SHPRH: variants seen among roughly 807,000 people sequenced by gnomAD.
The protein encoded by SHPRH is E3 ubiquitin-protein ligase SHPRH.
A neutral mutation model predicts 202.5 loss-of-function variants in SHPRH; 106 were observed. That is an observed-to-expected ratio of 0.52 (90% CI 0.45 to 0.62). The LOEUF is 0.62. Ranked by LOEUF, SHPRH falls within the 20% of genes least tolerant of loss-of-function variation. The probability of loss-of-function intolerance (pLI) is 0.00; values close to 1 mark genes in which losing one functional copy is unlikely to be tolerated. For synonymous variants in SHPRH, 729 were observed against 686.0 expected (o/e 1.06, Z -0.98); for missense variants, 1,710 against 2,020.0 (o/e 0.85, Z 2.94).
intron 25 of SHPRH, chr6:145,903,934 G>A (rs997616260): frequency 2.0e-5 from 3 of 152,014 alleles, no homozygotes; most frequent in African/African-American, 7.2e-5. Context: ...AGGTTCCAAA[G>A]GTCATTTAGG....
rs367700701 is a variant in SHPRH, at chr6:145,945,537, G to A, written c.1422C>T (p.Tyr474=). 1.7e-5 allele frequency: 27 copies of A among 1,613,102 alleles called. No individual in the cohort carries two copies. In the African/African-American group the frequency reaches 2.1e-4, roughly 13 times the overall value. The change falls in exon 8 of 30, where the codon TAC becomes TAT. Residue 474 remains tyrosine, a synonymous_variant. Transcript: ENST00000275233. ...AAAGACTCCTGTTCCGTTGAACATCGTATCTATATATAGAACTGACATACT... is the reference window on the plus strand; with the variant it reads ...AAAGACTCCTGTTCCGTTGAACATCATATCTATATATAGAACTGACATACT... ...IYKYVSSIYR[Y]DVQRNRSLLK... is the part of the protein sequence containing the mutation.
intron 2 of SHPRH, among the ~76,000 whole-genome samples, chr6:145,879,790 T>C (rs1780469723): frequency 6.6e-6 from 1 of 151,422 alleles, no homozygotes; most frequent in South Asian, 2.1e-4. Flanking sequence ...GGGTGCCTTG[T>C]AATGCCAGCT....
intron 15 of SHPRH, among the ~76,000 whole-genome samples, chr6:145,926,721 A>G (rs768088868): frequency 7.2e-5 from 11 of 151,966 alleles, no homozygotes; most frequent in Non-Finnish European, 1.2e-4. Flanking sequence ...AGCCTTGTCT[A>G]TATGAGTCAA....
At position 145,943,867 on chromosome 6, in the gene SHPRH, TTTATGTAAGTACTTCA is replaced by T; in HGVS notation, c.1579-81_1579-66del. The T allele has an allele frequency of 2.9e-6, 4 of 1,367,042 alleles. No individual in the cohort carries two copies. In the South Asian group the frequency reaches 5.7e-5, roughly 20 times the overall value. The allele number at this position is 1,367,042 out of a possible 1,614,324, so 84.7% of individuals were successfully genotyped here. A position where few individuals can be genotyped will look rare whatever the true frequency, so the allele number is the denominator to read the frequency against. ...GCATTTCTGAAATTAAACTCCTGACTTTATGTAAGTACTTCATATAATTATGTAGCAGCCAGTCTTT... is the reference window on the plus strand; with the variant it reads ...GCATTTCTGAAATTAAACTCCTGACTTATAATTATGTAGCAGCCAGTCTTT... On this transcript the variant is annotated intron_variant, in intron 8 of 29. Transcript: ENST00000275233.
chr6:145,945,585 T>A lies in SHPRH; in HGVS notation c.1374A>T (p.Gly458=). ...ACTTATAGATGGAAAGGATGGACACTCCTTTTTTTCCATTCATTTCTTTCA... is the reference window on the plus strand; with the variant it reads ...ACTTATAGATGGAAAGGATGGACACACCTTTTTTTCCATTCATTTCTTTCA... ...TAVKEMNGKK[G]VSILSIYKYV... The change falls in exon 8 of 30, where the codon GGA becomes GGT. Residue 458 remains glycine (G), a synonymous_variant. Transcript: ENST00000275233. 3 of 1,612,644 alleles carry A rather than the reference T, an allele frequency of 1.9e-6. No individual in the cohort carries two copies. Among genetic ancestry groups the A allele is most frequent in the South Asian group, 1.1e-5 (1 of 90,976 alleles).
intron 11 of SHPRH, among the ~76,000 whole-genome samples, chr6:145,939,907 AT>A (rs1468792809): frequency 1.3e-5 from 2 of 152,072 alleles, no homozygotes; most frequent in East Asian, 3.8e-4. Context: ...GAAAACTTGG[AT>A]TTTCAGAAAG....
intron 25 of SHPRH, chr6:145,904,240 C>A (rs1400596051): frequency 2.0e-5 from 3 of 151,914 alleles, no homozygotes; most frequent in East Asian, 1.9e-4. Flanking sequence ...GTGAAATAAT[C>A]ATTTCAGAAA....
intron 28 of SHPRH, among the ~76,000 whole-genome samples, chr6:145,889,681 T>A (rs1781418848): frequency 6.6e-6 from 1 of 152,104 alleles, no homozygotes; most frequent in Non-Finnish European, 1.5e-5. Flanking sequence ...TCCTAAGATA[T>A]CTCACTATGT....
chr6:145,940,885 A>G, intron 10 of SHPRH, 84 bp from the exon 11 acceptor site: 1 of 1,358,874 alleles, frequency 7.4e-7, no homozygotes, highest in South Asian at 1.2e-5. Context: ...CATGAAAAAC[A>G]GCCCATTAAA....
At chr6:145,921,087 A>G in intron 21 of SHPRH, 80 bp downstream of exon 21, 1 of 1,230,610 alleles carries the variant, frequency 8.1e-7, no homozygotes, top group Non-Finnish European at 1.1e-6. Flanking sequence ...AAAAAACTGG[A>G]GAGAGAAAAA....
chr6:145,959,374 T>C (rs117936275), intron 1 of SHPRH, among the ~76,000 whole-genome samples: 4 of 152,202 alleles, frequency 2.6e-5, no homozygotes, highest in Non-Finnish European at 4.4e-5. Context: ...AATATACAAA[T>C]ACTACGGTGT....
chr6:145,894,205 G>A lies in SHPRH; in HGVS notation c.4640C>T (p.Ala1547Val). ...AAATTCCATGTTGTTGTCAGTAAGAGCTTTTGAAATAATATCTAATACATC... is the reference window on the plus strand; with the variant it reads ...AAATTCCATGTTGTTGTCAGTAAGAACTTTTGAAATAATATCTAATACATC... ...WQDVLDIISK[A>V]LTDNNMEFAQ... The change falls in exon 27 of 30, where the codon GCT becomes GTT. Residue 1547 changes from alanine (A) to valine (V), a missense_variant. Ala to Val is a moderately conservative substitution (Grantham distance 64). This residue lies in a region of SHPRH where 306 missense variants were observed against 479.5 expected (regional missense o/e 0.64). Coordinates refer to ENST00000275233, the MANE Select transcript of SHPRH (RefSeq NM_001042683.3). The A allele has an allele frequency of 6.2e-7, 1 of 1,603,788 alleles. No individual in the cohort carries two copies. The highest frequency in any genetic ancestry group is 1.1e-5 in the South Asian group (1 of 89,548).
intron 14 of SHPRH, among the ~76,000 whole-genome samples, chr6:145,932,681 A>G (rs2128764307): frequency 6.6e-6 from 1 of 152,312 alleles, no homozygotes; most frequent in South Asian, 2.1e-4. Flanking sequence ...CCAATGAACA[A>G]TAATTCCTTT....
chr6:145,889,220 C>T (rs898129365), intron 28 of SHPRH, among the ~76,000 whole-genome samples: 2 of 151,998 alleles, frequency 1.3e-5, no homozygotes, highest in Non-Finnish European at 2.9e-5. Flanking sequence ...AAAAATTCAT[C>T]GAAGGGGTGT....
At chr6:145,926,408 CAAAT>C (rs1019192517) in intron 15 of SHPRH, 112 bp from the exon 16 acceptor site, 9 of 897,708 alleles carry the variant, frequency 1.0e-5, no homozygotes, top group Non-Finnish European at 1.6e-5. Context: ...ATCATATCAC[CAAAT>C]ACTTTTCCTA....
chr6:145,934,658 G>A (rs6926657), intron 13 of SHPRH, among the ~76,000 whole-genome samples: 94,808 of 150,576 alleles, frequency 0.63, 30,372 homozygotes, highest in African/African-American at 0.73. Context: ...GTGAGACCCC[G>A]TCTCAAAACA....
At chr6:145,936,392 C>T (rs1005970949) in intron 11 of SHPRH, among the ~76,000 whole-genome samples, 51 of 152,072 alleles carry the variant, frequency 3.4e-4, no homozygotes, top group Non-Finnish European at 8.8e-5. Flanking sequence ...TGCAGTGGCA[C>T]CATCTTAGCT....
intron 2 of SHPRH, among the ~76,000 whole-genome samples, chr6:145,870,073 T>C (rs1779987249): frequency 6.6e-6 from 1 of 151,960 alleles, no homozygotes; most frequent in African/African-American, 2.4e-5. Flanking sequence ...TTTTGCTAGA[T>C]TTATACCTAA....
chr6:145,867,623 TATATATATAGAGAG>T (rs1369720773), intron 2 of SHPRH, among the ~76,000 whole-genome samples: 54 of 68,424 alleles, frequency 7.9e-4, no homozygotes, highest in African/African-American at 3.6e-3. Context: ...TATATATATA[TATATATATAGAGAG>T]AGAGAGAGAG....
Sources: gnomAD v4.1 joint callset for allele counts (sites outside exome capture counted in the v4.1 genomes callset) on GRCh38, gnomAD v4.1.1 for gene constraint, gnomAD v4.1.1 regional missense constraint, MANE v1.5 for transcripts, NCBI Gene and HGNC (gene_info 2026-07-23, HGNC 2026-07-21) for gene names.